Variants in INSYN2B observed in about 807,000 individuals in gnomAD.
INSYN2B encodes the protein protein INSYN2B.
Under a neutral mutation model 41.2 loss-of-function variants are expected in INSYN2B, and 16 were observed. The observed-to-expected ratio is 0.39, with a 90% CI of 0.26 to 0.59. The LOEUF (loss-of-function observed/expected upper bound fraction) is 0.59, where lower values mean the gene tolerates loss of function less well. Ranked by LOEUF, INSYN2B falls within the 20% of genes least tolerant of loss-of-function variation. The pLI, the probability that INSYN2B is intolerant of heterozygous loss-of-function variation, is 0.57. For synonymous variants in INSYN2B, 245 were observed against 244.4 expected (o/e 1.00, Z -0.02); for missense variants, 608 against 646.4 (o/e 0.94, Z 0.64).
At chr5:169,936,703 C>G (rs1204149637) in intron 1 of INSYN2B, among the ~76,000 whole-genome samples, 3 of 150,878 alleles carry the variant, frequency 2.0e-5, no homozygotes, top group African/African-American at 7.3e-5. Flanking sequence ...TCCTGGGGGG[C>G]GCGCTCCAGC....
intron 1 of INSYN2B, among the ~76,000 whole-genome samples, chr5:169,913,897 A>G (rs1774739895): frequency 1.3e-5 from 2 of 152,210 alleles, no homozygotes; most frequent in African/African-American, 4.8e-5. Flanking sequence ...TTTTAATCCT[A>G]AATTCCAGTT....
intron 1 of INSYN2B, among the ~76,000 whole-genome samples, chr5:169,894,950 G>T (rs1018275273): frequency 2.6e-5 from 4 of 152,164 alleles, no homozygotes; most frequent in East Asian, 3.9e-4. Flanking sequence ...GTGGCCCCCC[G>T]TGAGGTCTGC....
At chr5:169,928,823 AC>A (rs1359439407) in intron 1 of INSYN2B, among the ~76,000 whole-genome samples, 2 of 152,238 alleles carry the variant, frequency 1.3e-5, no homozygotes, top group Non-Finnish European at 2.9e-5. Context: ...TAAATACTAC[AC>A]AAGTAATTAC....
At chr5:169,948,289 C>T (rs568601794) in intron 1 of INSYN2B, among the ~76,000 whole-genome samples, 10 of 135,508 alleles carry the variant, frequency 7.4e-5, no homozygotes, top group Middle Eastern at 3.8e-3. Flanking sequence ...GGATTCAGAA[C>T]GTTTTTTAAA....
intron 1 of INSYN2B, among the ~76,000 whole-genome samples, chr5:169,940,134 G>A (rs925725121): frequency 8.5e-5 from 13 of 152,262 alleles, no homozygotes; most frequent in East Asian, 1.9e-4. Flanking sequence ...TTGAAGTAGC[G>A]CCTTCTTCCA....
chr5:169,877,388 G>A (rs1772392670), intron 3 of INSYN2B, among the ~76,000 whole-genome samples: 1 of 152,186 alleles, frequency 6.6e-6, no homozygotes, highest in South Asian at 2.1e-4. Context: ...CAAATGATGA[G>A]AGCCTTTTCT....
At chr5:169,927,853 T>C (rs1775549249) in intron 1 of INSYN2B, among the ~76,000 whole-genome samples, 1 of 152,146 alleles carries the variant, frequency 6.6e-6, no homozygotes. Flanking sequence ...CCTGACCTCA[T>C]GATCCACCCG....
At chr5:169,954,294 G>A (rs1761749511) in intron 1 of INSYN2B, among the ~76,000 whole-genome samples, 1 of 152,200 alleles carries the variant, frequency 6.6e-6, no homozygotes, top group Admixed American at 6.5e-5. Flanking sequence ...GGAATAAATT[G>A]TTTTTAAGTG....
chr5:169,904,516 G>A (rs1774158840), intron 1 of INSYN2B, among the ~76,000 whole-genome samples: 1 of 152,058 alleles, frequency 6.6e-6, no homozygotes, highest in Non-Finnish European at 1.5e-5. Flanking sequence ...GGGCCTGAGG[G>A]AGTGAGGTGG....
intron 1 of INSYN2B, among the ~76,000 whole-genome samples, chr5:169,916,873 T>C (rs990384266): frequency 6.6e-6 from 1 of 152,196 alleles, no homozygotes; most frequent in African/African-American, 2.4e-5. Flanking sequence ...AGCTAGTAAG[T>C]AATGGGGCCT....
chr5:169,953,099 G>A (rs191651044), intron 1 of INSYN2B, among the ~76,000 whole-genome samples: 3 of 152,184 alleles, frequency 2.0e-5, no homozygotes, highest in East Asian at 1.9e-4. Context: ...TGAGGTGGGC[G>A]GATCACAAGG....
intron 1 of INSYN2B, among the ~76,000 whole-genome samples, chr5:169,972,542 CAGATAGAT>C (rs143089504): frequency 0.011 from 1,496 of 141,368 alleles, 16 homozygotes; most frequent in East Asian, 0.024. Context: ...CACTGTGAGA[CAGATAGAT>C]AGATAGATAG....
chr5:169,910,282 G>A (rs114153590), intron 1 of INSYN2B, among the ~76,000 whole-genome samples: 2,233 of 152,252 alleles, frequency 0.015, 51 homozygotes, highest in African/African-American at 0.051. Context: ...GTTCCAAGCC[G>A]GTTACCACCG....
intron 1 of INSYN2B, among the ~76,000 whole-genome samples, chr5:169,921,709 G>T (rs1775182073): frequency 6.6e-6 from 1 of 152,202 alleles, no homozygotes; most frequent in African/African-American, 2.4e-5. Flanking sequence ...AGATGGGATT[G>T]CATCCCAGGA....
At chr5:169,937,791 T>C (rs1335081866) in intron 1 of INSYN2B, among the ~76,000 whole-genome samples, 2 of 152,246 alleles carry the variant, frequency 1.3e-5, no homozygotes, top group Non-Finnish European at 2.9e-5. Context: ...TCATTGTCCC[T>C]GGACCCTAGA....
At chr5:169,940,886 T>TA (rs1304999281) in intron 1 of INSYN2B, among the ~76,000 whole-genome samples, 1 of 152,196 alleles carries the variant, frequency 6.6e-6, no homozygotes, top group Non-Finnish European at 1.5e-5. Flanking sequence ...CCAGATCTAG[T>TA]GGGTAAGGCC....
rs1339520890 is a variant in INSYN2B, at chr5:169,862,352, T to C, written c.*1921A>G. ...TGATGCCCGAGAATATAAATTCACA[T>C]GAAATTAGCGTAAGCAAAGCAAATT... On this transcript the variant is annotated 3_prime_UTR_variant, in exon 4 of 4. Transcript: ENST00000377365. 1.3e-5 allele frequency among the ~76,000 whole-genome samples: 2 copies of C among 152,230 alleles called. No individual in the cohort carries two copies. Among genetic ancestry groups the C allele is most frequent in the Admixed American group, 1.3e-4 (2 of 15,288 alleles).
chr5:169,864,953 A>C (rs1459518728), intron 3 of INSYN2B, among the ~76,000 whole-genome samples: 1 of 152,214 alleles, frequency 6.6e-6, no homozygotes, highest in Non-Finnish European at 1.5e-5. Context: ...TGCTCAGAGT[A>C]GTGCCTGGCG....
At chr5:169,917,048 A>G (rs1160187118) in intron 1 of INSYN2B, among the ~76,000 whole-genome samples, 1 of 152,220 alleles carries the variant, frequency 6.6e-6, no homozygotes, top group Non-Finnish European at 1.5e-5. Context: ...GGGCACCTAT[A>G]TGCCTCTCTT....
Sources: gnomAD v4.1 joint callset for allele counts (sites outside exome capture counted in the v4.1 genomes callset) on GRCh38, gnomAD v4.1.1 for gene constraint, MANE v1.5 for transcripts, NCBI Gene and HGNC (gene_info 2026-07-23, HGNC 2026-07-21) for gene names.